Variants in STK3 observed in about 807,000 individuals in gnomAD.
The protein encoded by STK3 is serine/threonine-protein kinase 3.
Under a neutral mutation model 58.0 loss-of-function variants are expected in STK3, and 41 were observed. The observed-to-expected ratio is 0.71, with a 90% CI of 0.55 to 0.92. The LOEUF (loss-of-function observed/expected upper bound fraction) is 0.92, where lower values mean the gene tolerates loss of function less well. Among genes scored for constraint, STK3 ranks in the 40% least tolerant of loss-of-function variants. The pLI is 0.00. For missense variants in STK3, 479 were observed against 602.7 expected (o/e 0.79, Z 2.15); for synonymous variants, 170 against 191.0 (o/e 0.89, Z 0.91).
chr8:98,439,667 C>T (rs985331557), intron 1 of STK3, among the ~76,000 whole-genome samples: 1 of 152,160 alleles, frequency 6.6e-6, no homozygotes, highest in African/African-American at 2.4e-5. Flanking sequence ...ACAGTTGGGT[C>T]GGCAGGTATT....
chr8:98,674,880 C>T (rs1423690732), intron 6 of STK3, among the ~76,000 whole-genome samples: 1 of 152,038 alleles, frequency 6.6e-6, no homozygotes, highest in African/African-American at 2.4e-5. Flanking sequence ...AAATGTGTTA[C>T]CAAAAGTTCC....
intron 3 of STK3, among the ~76,000 whole-genome samples, chr8:98,852,873 T>C (rs1836529420): frequency 6.6e-6 from 1 of 152,220 alleles, no homozygotes; most frequent in Non-Finnish European, 1.5e-5. Flanking sequence ...CTAAATACTT[T>C]AATCAAATGT....
intron 4 of STK3, among the ~76,000 whole-genome samples, chr8:98,731,819 A>G (rs1055382768): frequency 8.5e-5 from 13 of 152,102 alleles, no homozygotes; most frequent in African/African-American, 3.1e-4. Context: ...TATGCCTGTC[A>G]GTCAAAAGGC....
chr8:98,871,596 T>C (rs1294664651), intron 3 of STK3, among the ~76,000 whole-genome samples: 2 of 152,082 alleles, frequency 1.3e-5, no homozygotes, highest in African/African-American at 4.8e-5. Flanking sequence ...TTTATTCTCA[T>C]TGAAGCAATT....
At chr8:98,896,994 CAATAAAAA>C (rs1405728716) in intron 1 of STK3, among the ~76,000 whole-genome samples, 2 of 148,420 alleles carry the variant, frequency 1.3e-5, no homozygotes, top group Admixed American at 1.4e-4. Flanking sequence ...AAAATAATAA[CAATAAAAA>C]AATAAAAGAA....
chr8:98,702,614 G>GA (rs2131043036), intron 6 of STK3, among the ~76,000 whole-genome samples: 1 of 152,300 alleles, frequency 6.6e-6, no homozygotes, highest in African/African-American at 2.4e-5. Context: ...AAAAGGCTGA[G>GA]AAAATGACTG....
intron 3 of STK3, among the ~76,000 whole-genome samples, chr8:98,843,273 A>C (rs1836066964): frequency 1.3e-5 from 2 of 152,172 alleles, no homozygotes; most frequent in South Asian, 4.1e-4. Context: ...TATTGCAAGC[A>C]ATTGATGATC....
intron 8 of STK3, among the ~76,000 whole-genome samples, chr8:98,577,212 C>T (rs917843281): frequency 2.6e-5 from 4 of 152,126 alleles, no homozygotes; most frequent in Admixed American, 1.3e-4. Flanking sequence ...CTGGGCCGGG[C>T]GCAGTGGCTC....
At chr8:98,874,302 A>G (rs541177825) in intron 3 of STK3, among the ~76,000 whole-genome samples, 1 of 152,242 alleles carries the variant, frequency 6.6e-6, no homozygotes, top group East Asian at 1.9e-4. Context: ...AACTTTGATG[A>G]ATCTGACAAT....
chr8:98,516,771 A>G (rs747109166), intron 10 of STK3, among the ~76,000 whole-genome samples: 15 of 152,068 alleles, frequency 9.9e-5, no homozygotes, highest in Non-Finnish European at 1.6e-4. Context: ...TAGATCTTTC[A>G]TTAGCAAAGA....
chr8:98,739,365 C>G (rs374588160), intron 4 of STK3, among the ~76,000 whole-genome samples: 1 of 152,020 alleles, frequency 6.6e-6, no homozygotes, highest in Non-Finnish European at 1.5e-5. Context: ...AGACTGACAC[C>G]TCACACGGCC....
intron 6 of STK3, among the ~76,000 whole-genome samples, chr8:98,663,273 CTCA>C (rs1355461159): frequency 1.3e-4 from 20 of 152,300 alleles, no homozygotes; most frequent in African/African-American, 4.6e-4. Context: ...TGAAAAAATG[CTCA>C]TCATCACTGG....
intron 3 of STK3, among the ~76,000 whole-genome samples, chr8:98,871,450 C>T (rs925611308): frequency 2.2e-4 from 33 of 152,138 alleles, no homozygotes; most frequent in Admixed American, 1.8e-3. Context: ...GCCATTTTCT[C>T]GATATTGATT....
chr8:98,873,217 T>C (rs552336430), intron 3 of STK3, among the ~76,000 whole-genome samples: 28 of 152,352 alleles, frequency 1.8e-4, no homozygotes, highest in Admixed American at 1.5e-3. Flanking sequence ...TGTGCTATAA[T>C]TTCTGTTCTT....
At chr8:98,697,451 G>C (rs1340219202) in intron 6 of STK3, among the ~76,000 whole-genome samples, 1 of 152,158 alleles carries the variant, frequency 6.6e-6, no homozygotes, top group Non-Finnish European at 1.5e-5. Context: ...TGTGATGTTA[G>C]GGTGTCAATT....
intron 1 of STK3, among the ~76,000 whole-genome samples, chr8:98,936,314 T>C (rs1311670374): frequency 6.6e-6 from 1 of 152,112 alleles, no homozygotes; most frequent in Non-Finnish European, 1.5e-5. Flanking sequence ...ATAATAGAGC[T>C]ATTAACTAGG....
At chr8:98,857,779 T>C (rs757542291) in intron 3 of STK3, among the ~76,000 whole-genome samples, 12 of 152,188 alleles carry the variant, frequency 7.9e-5, no homozygotes, top group Admixed American at 2.0e-4. Flanking sequence ...TTAAACTAAA[T>C]ACAGAATTAT....
the STK3 span, among the ~76,000 whole-genome samples, chr8:98,344,350 A>C: frequency 6.6e-6 from 1 of 152,228 alleles, no homozygotes; most frequent in Non-Finnish European, 1.5e-5. Flanking sequence ...TCTGCAATGC[A>C]AAAGAAATAC....
At chr8:98,735,075 G>A (rs998941883) in intron 4 of STK3, among the ~76,000 whole-genome samples, 14 of 152,148 alleles carry the variant, frequency 9.2e-5, no homozygotes, top group Non-Finnish European at 1.8e-4. Flanking sequence ...GACCATATTT[G>A]TTCAGCAATC....
Sources: gnomAD v4.1 joint callset for allele counts (sites outside exome capture counted in the v4.1 genomes callset) on GRCh38, gnomAD v4.1.1 for gene constraint, MANE v1.5 for transcripts, NCBI Gene and HGNC (gene_info 2026-07-23, HGNC 2026-07-21) for gene names.